The following NCKAP1 variants were observed in gnomAD, a reference collection of about 807,000 sequenced individuals.
The protein encoded by NCKAP1 is NCK associated protein 1, also known as nck-associated protein 1.
Under a neutral mutation model 151.2 loss-of-function variants are expected in NCKAP1, and 21 were observed. That is an observed-to-expected ratio of 0.14 (90% CI 0.10 to 0.20). The LOEUF is 0.20. NCKAP1 is among the 10% of genes least tolerant of loss of function. The probability of loss-of-function intolerance (pLI) is 1.00; values close to 1 mark genes in which losing one functional copy is unlikely to be tolerated. For missense variants in NCKAP1, 933 were observed against 1,352.1 expected (o/e 0.69, Z 4.86); for synonymous variants, 484 against 451.8 (o/e 1.07, Z -0.90).
chr2:183,031,030 A>T (rs906583284), intron 1 of NCKAP1, among the ~76,000 whole-genome samples: 7 of 152,244 alleles, frequency 4.6e-5, no homozygotes, highest in African/African-American at 1.4e-4. Context: ...GAGGCTTGAT[A>T]ACAAAGTATA....
At chr2:183,026,765 AG>A (rs1225963575) in intron 1 of NCKAP1, among the ~76,000 whole-genome samples, 3 of 152,194 alleles carry the variant, frequency 2.0e-5, no homozygotes, top group African/African-American at 7.2e-5. Context: ...CTTACCTCAC[AG>A]GGTTATTATA....
At position 182,961,983 on chromosome 2, in the gene NCKAP1, C is replaced by A. The variant is rs113985125; in HGVS notation, c.1881+176G>T. Among the ~76,000 whole-genome samples the A allele has an allele frequency of 7.2e-4, 110 of 152,262 alleles. 1 individual carries two copies. Among genetic ancestry groups the A allele is most frequent in the African/African-American group, 2.6e-3 (107 of 41,550 alleles). On this transcript the variant is annotated intron_variant, in intron 18 of 30. Coordinates refer to ENST00000361354, the MANE Select transcript of NCKAP1 (RefSeq NM_013436.5). Reference sequence around the variant, plus strand: ...AACACAAACAGTACGTACAGTCTTGCCAGAAAGTTTACATCTAAGAAATTA... The same window carrying A: ...AACACAAACAGTACGTACAGTCTTGACAGAAAGTTTACATCTAAGAAATTA...
chr2:182,983,231 GTTT>G (rs1282654581), intron 11 of NCKAP1, 52 bp downstream of exon 11: 1 of 1,391,476 alleles, frequency 7.2e-7, no homozygotes, highest in South Asian at 1.3e-5. Flanking sequence ...ACTTAGAAAC[GTTT>G]TTTAAAATTT....
At chr2:182,952,362 G>A in intron 23 of NCKAP1, 43 bp downstream of exon 23, 2 of 1,289,576 alleles carry the variant, frequency 1.6e-6, no homozygotes, top group Non-Finnish European at 1.1e-6. Context: ...ATGTTTTTCA[G>A]GAATTAATGT....
At chr2:182,973,935 T>C (rs1697750921) in intron 15 of NCKAP1, among the ~76,000 whole-genome samples, 1 of 152,216 alleles carries the variant, frequency 6.6e-6, no homozygotes, top group Non-Finnish European at 1.5e-5. Context: ...CATCTCTTAA[T>C]CTTTCAGATT....
At chr2:182,957,254 T>C in intron 19 of NCKAP1, 3 of 467,588 alleles carry the variant, frequency 6.4e-6, no homozygotes, top group Non-Finnish European at 1.1e-5. Context: ...CTATTACATA[T>C]ATTTTCTTCT....
chr2:183,006,816 G>A (rs1575061385), intron 2 of NCKAP1, among the ~76,000 whole-genome samples: 1 of 152,266 alleles, frequency 6.6e-6, no homozygotes, highest in Admixed American at 6.5e-5. Flanking sequence ...TTATACAACA[G>A]AACATTAGAA....
chr2:182,941,653 C>A (rs978537208), intron 24 of NCKAP1, among the ~76,000 whole-genome samples: 1 of 152,202 alleles, frequency 6.6e-6, no homozygotes, highest in African/African-American at 2.4e-5. Context: ...ATGCATCCAT[C>A]TGTCAAAATC....
rs1236030334 is a variant in NCKAP1 at position 182,914,275 on chromosome 2, T to A, written c.*11427A>T. On this transcript the variant is annotated 3_prime_UTR_variant, in exon 31 of 31. Coordinates refer to ENST00000361354, the MANE Select transcript of NCKAP1 (RefSeq NM_013436.5). ...AAAACTATATTCATTGAACTGATGT[T>A]AGGATATGACATAATATATTATTTC... is the stretch of plus-strand genomic sequence containing the variant. The A allele has an allele frequency of 6.6e-6, 1 of 152,212 alleles. No individual in the cohort carries two copies. Among genetic ancestry groups the A allele is most frequent in the African/African-American group, 2.4e-5 (1 of 41,448 alleles). The allele number at this position is 152,212 out of a possible 1,614,324, so 9.4% of individuals were successfully genotyped here. A position where few individuals can be genotyped will look rare whatever the true frequency, so the allele number is the denominator to read the frequency against.
At position 183,038,152 on chromosome 2, in the gene NCKAP1, C is replaced by T. The variant is rs2105905829; in HGVS notation, c.-53G>A. 5.9e-6 allele frequency: 8 copies of T among 1,356,574 alleles called. No homozygotes were observed. In the African/African-American group the frequency reaches 7.6e-5, roughly 13 times the overall value. The allele number at this position is 1,356,574 out of a possible 1,614,324, so 84.0% of individuals were successfully genotyped here. On this transcript the variant is annotated 5_prime_UTR_variant, in exon 1 of 31. Transcript: ENST00000361354. ...GGCCGCCTCGCGCCCAGTCACGGGCCCGCGGCCTTCGCAGCAGCCTCTCTC... is the reference window on the plus strand; with the variant it reads ...GGCCGCCTCGCGCCCAGTCACGGGCTCGCGGCCTTCGCAGCAGCCTCTCTC...
chr2:183,005,009 C>T (rs1698442962), intron 2 of NCKAP1, among the ~76,000 whole-genome samples: 1 of 150,648 alleles, frequency 6.6e-6, no homozygotes, highest in Non-Finnish European at 1.5e-5. Context: ...GAGTAGCTGA[C>T]TCTATTTTGC....
intron 13 of NCKAP1, among the ~76,000 whole-genome samples, chr2:182,979,369 G>C (rs577080592): frequency 6.6e-6 from 1 of 152,064 alleles, no homozygotes; most frequent in East Asian, 1.9e-4. Flanking sequence ...CACTAAAAAT[G>C]AATGATTTTT....
intron 2 of NCKAP1, among the ~76,000 whole-genome samples, chr2:183,019,441 G>A (rs542002221): frequency 6.6e-6 from 1 of 152,036 alleles, no homozygotes; most frequent in African/African-American, 2.4e-5. Flanking sequence ...GGTTTCCTGA[G>A]CCAAATAATT....
At chr2:183,024,851 T>C in intron 1 of NCKAP1, 1 of 1,031,786 alleles carries the variant, frequency 9.7e-7, no homozygotes, top group Non-Finnish European at 1.4e-6. Context: ...AATACACTAC[T>C]GCAATTTTAT....
At chr2:182,996,142 AC>A (rs1698263802) in intron 6 of NCKAP1, among the ~76,000 whole-genome samples, 1 of 152,248 alleles carries the variant, frequency 6.6e-6, no homozygotes, top group Admixed American at 6.5e-5. Context: ...AAAGGGATAG[AC>A]AGCCCACTGT....
intron 1 of NCKAP1, among the ~76,000 whole-genome samples, chr2:183,029,236 C>T (rs1326725150): frequency 6.6e-6 from 1 of 151,982 alleles, no homozygotes; most frequent in Admixed American, 6.6e-5. Flanking sequence ...CAGAAAACTA[C>T]ACAATATATT....
At chr2:182,948,024 A>T (rs1448401934) in intron 23 of NCKAP1, among the ~76,000 whole-genome samples, 1 of 152,116 alleles carries the variant, frequency 6.6e-6, no homozygotes, top group African/African-American at 2.4e-5. Context: ...CTCAAACAAA[A>T]TCACTATAAA....
chr2:183,033,219 G>T (rs1011964829), intron 1 of NCKAP1, among the ~76,000 whole-genome samples: 2 of 152,224 alleles, frequency 1.3e-5, no homozygotes, highest in African/African-American at 4.8e-5. Context: ...CCTACTGCAT[G>T]CCATAGCTTT....
At chr2:183,024,468 T>C (rs1698850627) in intron 1 of NCKAP1, among the ~76,000 whole-genome samples, 1 of 152,196 alleles carries the variant, frequency 6.6e-6, no homozygotes, top group Non-Finnish European at 1.5e-5. Flanking sequence ...CAACACTGTT[T>C]TCCATCATAC....
Sources: allele counts gnomAD v4.1 joint callset (sites outside exome capture counted in the v4.1 genomes callset), GRCh38; gene constraint gnomAD v4.1.1; transcripts MANE v1.5; gene names NCBI Gene and HGNC (gene_info 2026-07-23, HGNC 2026-07-21).